The following GABRR2 variants were observed in gnomAD, a reference collection of about 807,000 sequenced individuals.
GABRR2 encodes the protein gamma-aminobutyric acid type A receptor subunit rho2, also known as gamma-aminobutyric acid receptor subunit rho-2.
A neutral mutation model predicts 47.0 loss-of-function variants in GABRR2; 36 were observed. The observed-to-expected ratio is 0.77, with a 90% CI of 0.59 to 1.01. The LOEUF is 1.01. GABRR2 is among the 50% of genes least tolerant of loss of function. The pLI, the probability that GABRR2 is intolerant of heterozygous loss-of-function variation, is 0.00. For synonymous variants in GABRR2, 204 were observed against 227.5 expected, an observed-to-expected ratio of 0.90 and a Z score of 0.93; for missense variants, 587 against 594.6, an observed-to-expected ratio of 0.99 and a Z score of 0.13.
Position 89,264,408 on chromosome 6 carries a change from T to C in GABRR2, c.1086+4A>G. On this transcript the variant is annotated splice_donor_region_variant and intron_variant, in intron 8 of 8. Coordinates refer to ENST00000402938, the MANE Select transcript of GABRR2 (RefSeq NM_002043.5). ...TTAGACAAGGGCCGAAGAAGCCCTC[T>C]CACCTTCTCCCGCAGCTTCCGTTCC... The C allele has an allele frequency of 6.2e-7, 1 of 1,612,566 alleles. No homozygotes were observed. The highest frequency in any genetic ancestry group is 8.5e-7 in the Non-Finnish European group (1 of 1,179,202).
intron 1 of GABRR2, among the ~76,000 whole-genome samples, chr6:89,312,327 A>G (rs916330602): frequency 1.3e-5 from 2 of 152,238 alleles, no homozygotes; most frequent in East Asian, 3.8e-4. Flanking sequence ...ACAGAGACAC[A>G]AAGCAGCAGA....
chr6:89,300,380 C>T (rs1284209111), intron 1 of GABRR2, among the ~76,000 whole-genome samples: 2 of 151,922 alleles, frequency 1.3e-5, no homozygotes, highest in Non-Finnish European at 2.9e-5. Flanking sequence ...CATGGTGGCA[C>T]ACACCTGTAG....
intron 1 of GABRR2, chr6:89,301,752 C>G (rs936982261): frequency 4.4e-6 from 3 of 686,548 alleles, no homozygotes; most frequent in Admixed American, 4.1e-5. Flanking sequence ...CCCGCCTGCC[C>G]GTCCGCAGCC....
At chr6:89,286,117 C>T (rs932740941) in intron 2 of GABRR2, among the ~76,000 whole-genome samples, 1 of 152,164 alleles carries the variant, frequency 6.6e-6, no homozygotes, top group African/African-American at 2.4e-5. Flanking sequence ...TTTTTCAATG[C>T]CTACAAGAGA....
At chr6:89,309,104 C>T (rs557735696) in intron 1 of GABRR2, among the ~76,000 whole-genome samples, 1 of 152,242 alleles carries the variant, frequency 6.6e-6, no homozygotes, top group African/African-American at 2.4e-5. Flanking sequence ...TCTGAGAAAA[C>T]AGCAGAGCAA....
Position 89,257,762 on chromosome 6 carries a change from G to T in GABRR2, c.1306C>A (p.Gln436Lys). 6.2e-7 allele frequency: 1 copy of T among 1,613,882 alleles called. No homozygotes were observed. The highest frequency in any genetic ancestry group is 8.5e-7 in the Non-Finnish European group (1 of 1,179,774). The change falls in exon 9 of 9, where the codon CAG becomes AAG. Residue 436 changes from glutamine (Q) to lysine (K), a missense_variant. Gln to Lys is a moderately conservative substitution (Grantham distance 53). Transcript: ENST00000402938. The part of the protein sequence containing the change: ...LKGQTGFRIF[Q>K]NTHAIDKYSR... Reference sequence around the variant, plus strand: ...TATTTGTCAATGGCATGGGTATTCTGGAAGATACGAAAACCCGTCTGGCCC... The same window carrying T: ...TATTTGTCAATGGCATGGGTATTCTTGAAGATACGAAAACCCGTCTGGCCC...
chr6:89,302,712 T>G, intron 1 of GABRR2: 6 of 1,363,610 alleles, frequency 4.4e-6, no homozygotes, highest in Non-Finnish European at 5.1e-6. Flanking sequence ...GGCCACCGTG[T>G]TCCGGGGCTG....
intron 1 of GABRR2, chr6:89,302,618 C>G: frequency 8.1e-7 from 1 of 1,232,556 alleles, no homozygotes; most frequent in African/African-American, 1.5e-5. Context: ...GGGCCCTGAC[C>G]GTGCCCGAGC....
At chr6:89,302,339 T>C (rs552978807) in intron 1 of GABRR2, 2 of 565,288 alleles carry the variant, frequency 3.5e-6, no homozygotes, top group East Asian at 9.2e-5. Flanking sequence ...ATGCTGTCCA[T>C]CCACCAGCTG....
chr6:89,257,922 A>G lies in GABRR2; in HGVS notation c.1146T>C (p.Ser382=). The change falls in exon 9 of 9, where the codon AGT becomes AGC. Residue 382 remains serine (S), a synonymous_variant. Coordinates refer to ENST00000402938, the MANE Select transcript of GABRR2 (RefSeq NM_002043.5). ...SKTMMLDGSY[S]ESEANSLAGY... The stretch of plus-strand genomic sequence containing the variant: ...CAGCCAGGCTGTTGGCCTCAGACTC[A>G]CTGTAGCTTCCATCCAGCATCATGG... 1 of 1,613,998 alleles carries G rather than the reference A, an allele frequency of 6.2e-7. No individual in the cohort carries two copies. The highest frequency in any genetic ancestry group is 2.2e-5 in the East Asian group (1 of 44,876).
chr6:89,263,790 T>C (rs1488953416), intron 8 of GABRR2, among the ~76,000 whole-genome samples: 1 of 152,242 alleles, frequency 6.6e-6, no homozygotes, highest in Non-Finnish European at 1.5e-5. Context: ...CCCAAAGTGC[T>C]GGGATTATAG....
intron 2 of GABRR2, among the ~76,000 whole-genome samples, chr6:89,283,959 C>G (rs1774293413): frequency 6.6e-6 from 1 of 152,156 alleles, no homozygotes; most frequent in East Asian, 1.9e-4. Context: ...AATTACAGCT[C>G]TTAAGGTGGT....
intron 2 of GABRR2, among the ~76,000 whole-genome samples, chr6:89,285,392 G>A (rs1036532450): frequency 3.3e-5 from 5 of 152,182 alleles, no homozygotes; most frequent in Non-Finnish European, 7.3e-5. Context: ...GTAATCGAAC[G>A]TTTCAGTTTA....
rs114487708 is a variant in GABRR2 at position 89,314,950 on chromosome 6, G to A, written c.113+103C>T. 3,130 of 955,214 alleles carry A rather than the reference G, an allele frequency of 3.3e-3. 48 individuals are homozygous for A. The African/African-American group carries it at 0.033, about 10-fold the overall frequency. 59.2% of individuals were successfully genotyped at this position (955,214 alleles called of 1,614,324 possible). On this transcript the variant is annotated intron_variant, in intron 1 of 8. Transcript: ENST00000402938. ...AGCTGGGTTCTCATTCTCATAGGGC[G>A]ATATCTCAATAGGACCTTAGCCCCC...
At chr6:89,273,784 G>A (rs1254262767) in intron 2 of GABRR2, among the ~76,000 whole-genome samples, 1 of 152,196 alleles carries the variant, frequency 6.6e-6, no homozygotes, top group Non-Finnish European at 1.5e-5. Context: ...ATTAGTCTGA[G>A]GTGTTAAAAT....
chr6:89,268,873 T>C, intron 4 of GABRR2, 138 bp downstream of exon 4: 1 of 703,484 alleles, frequency 1.4e-6, no homozygotes, highest in Non-Finnish European at 2.5e-6. Context: ...GTTTAGATAG[T>C]TCTGACTAGC....
intron 2 of GABRR2, among the ~76,000 whole-genome samples, chr6:89,286,650 G>C (rs1195535861): frequency 6.6e-6 from 1 of 152,000 alleles, no homozygotes; most frequent in African/African-American, 2.4e-5. Context: ...TCCTTCAGGA[G>C]CATGGTGACC....
intron 6 of GABRR2, among the ~76,000 whole-genome samples, 186 bp from the exon 7 acceptor site, chr6:89,265,951 T>G (rs185379166): frequency 6.6e-6 from 1 of 152,330 alleles, no homozygotes; most frequent in African/African-American, 2.4e-5. Flanking sequence ...TATATAAATA[T>G]CTTGCCAATA....
chr6:89,267,565 T>G (rs1299622217), intron 6 of GABRR2, 114 bp downstream of exon 6: 2 of 1,129,192 alleles, frequency 1.8e-6, no homozygotes, highest in African/African-American at 3.2e-5. Flanking sequence ...AGACCTTGTC[T>G]CAAAACAAAA....
Sources: allele counts gnomAD v4.1 joint callset (sites outside exome capture counted in the v4.1 genomes callset), GRCh38; gene constraint gnomAD v4.1.1; transcripts MANE v1.5; gene names NCBI Gene and HGNC (gene_info 2026-07-23, HGNC 2026-07-21).